The following WWC2 variants were observed in gnomAD, a reference collection of about 807,000 sequenced individuals.
The protein encoded by WWC2 is WW and C2 domain containing 2.
WWC2 carries 101 observed loss-of-function variants against 138.5 expected under a neutral mutation model. That is an observed-to-expected ratio of 0.73 (90% CI 0.62 to 0.86). The LOEUF (loss-of-function observed/expected upper bound fraction) is 0.86, where lower values mean the gene tolerates loss of function less well. Ranked by LOEUF, WWC2 falls within the 40% of genes least tolerant of loss-of-function variation. The pLI, the probability that WWC2 is intolerant of heterozygous loss-of-function variation, is 0.00. For synonymous variants in WWC2, 558 were observed against 538.4 expected (o/e 1.04, Z -0.50); for missense variants, 1,420 against 1,419.4 (o/e 1.00, Z -0.01).
Position 183,312,474 on chromosome 4 carries a change from T to C in WWC2, c.3512+6T>C, listed in dbSNP as rs1483890386. The C allele has an allele frequency of 1.9e-6, 3 of 1,613,160 alleles. No individual in the cohort carries two copies. Among genetic ancestry groups the C allele is most frequent in the Non-Finnish European group, 2.5e-6 (3 of 1,179,464 alleles). On this transcript the variant is annotated splice_donor_region_variant and intron_variant, in intron 22 of 22. Coordinates refer to ENST00000403733, the MANE Select transcript of WWC2 (RefSeq NM_024949.6). ...CGGCAGGTGCAGTCCTTCAGGTGAA[T>C]AGCCCCATCCAGGACAGCTTTTGGG...
At chr4:183,198,039 T>A (rs1323084179) in intron 2 of WWC2, among the ~76,000 whole-genome samples, 1 of 152,192 alleles carries the variant, frequency 6.6e-6, no homozygotes, top group Non-Finnish European at 1.5e-5. Context: ...TTTTGCAGTT[T>A]GCACCTGTAG....
At chr4:183,144,795 A>G (rs191938206) in intron 1 of WWC2, among the ~76,000 whole-genome samples, 2 of 152,348 alleles carry the variant, frequency 1.3e-5, no homozygotes, top group African/African-American at 4.8e-5. Flanking sequence ...TTCATTCTAC[A>G]TACACGTTGC....
chr4:183,155,369 G>C (rs1040910722), intron 1 of WWC2, among the ~76,000 whole-genome samples: 6 of 152,138 alleles, frequency 3.9e-5, no homozygotes, highest in African/African-American at 1.4e-4. Flanking sequence ...GTTTGGAAAA[G>C]AAGCTGAAGA....
At chr4:183,140,566 A>G (rs1454705280) in intron 1 of WWC2, among the ~76,000 whole-genome samples, 1 of 152,232 alleles carries the variant, frequency 6.6e-6, no homozygotes, top group African/African-American at 2.4e-5. Flanking sequence ...CTCACGTGGG[A>G]GTCATGAGTA....
At chr4:183,249,632 C>CCAG (rs1378009916) in intron 7 of WWC2, among the ~76,000 whole-genome samples, 3 of 152,142 alleles carry the variant, frequency 2.0e-5, no homozygotes, top group Non-Finnish European at 4.4e-5. Context: ...CTCTGAGATA[C>CCAG]CAGACACATT....
rs375484519 is a variant in WWC2, at chr4:183,218,728, GT to G, written c.522+9704del. On this transcript the variant is annotated intron_variant, in intron 4 of 22. Transcript: ENST00000403733. Reference sequence around the variant, plus strand: ...AGGCGGAGACCCAGGAAAGCTGGCAGTGCAGATGAAGTCCAAAGGCAGTCTG... The same window carrying G: ...AGGCGGAGACCCAGGAAAGCTGGCAGGCAGATGAAGTCCAAAGGCAGTCTG... Among the ~76,000 whole-genome samples, 64 of 152,312 alleles carry G rather than the reference GT, an allele frequency of 4.2e-4. 1 individual carries two copies. In the East Asian group the frequency reaches 8.3e-3, roughly 20 times the overall value.
chr4:183,255,261 G>A (rs1056095488), intron 9 of WWC2, among the ~76,000 whole-genome samples: 3 of 152,078 alleles, frequency 2.0e-5, no homozygotes, highest in Non-Finnish European at 4.4e-5. Context: ...TGACCAAACG[G>A]TCAGCCTGAG....
In WWC2 at chr4:183,284,361, C is replaced by T. The variant is rs568946717; in HGVS notation, c.3019C>T (p.Pro1007Ser). The T allele has an allele frequency of 6.2e-7, 1 of 1,613,268 alleles. No homozygotes were observed. Among genetic ancestry groups the T allele is most frequent in the African/African-American group, 1.3e-5 (1 of 74,902 alleles). The stretch of plus-strand genomic sequence containing the variant: ...GATAGTGCGCTCACAGACCTTTTCT[C>T]CAGGAGAGCGGAACCAGTACATCTG... The part of the protein sequence containing the change: ...SVIVRSQTFS[P>S]GERNQYICRL... Residue 1007 changes from proline to serine, a missense_variant, in exon 19 of 23, where the codon CCA (proline) becomes TCA (serine). By Grantham distance (74) the Pro-to-Ser change is moderately conservative. Coordinates refer to ENST00000403733, the MANE Select transcript of WWC2 (RefSeq NM_024949.6).
At chr4:183,213,060 C>G (rs1735655169) in intron 4 of WWC2, among the ~76,000 whole-genome samples, 1 of 152,228 alleles carries the variant, frequency 6.6e-6, no homozygotes, top group African/African-American at 2.4e-5. Context: ...TCATCCCTTT[C>G]ATTAGTGCCT....
intron 4 of WWC2, among the ~76,000 whole-genome samples, chr4:183,228,174 A>G (rs1736127826): frequency 6.6e-6 from 1 of 152,100 alleles, no homozygotes; most frequent in Non-Finnish European, 1.5e-5. Context: ...CAAATAAATA[A>G]GTAAATAAAG....
intron 1 of WWC2, among the ~76,000 whole-genome samples, chr4:183,133,135 C>CT (rs1294091024): frequency 1.5e-4 from 13 of 88,722 alleles, no homozygotes; most frequent in African/African-American, 6.4e-4. Flanking sequence ...TTTTTCTTTT[C>CT]TTTCTTTCTT....
chr4:183,102,302 T>C (rs1282737544), intron 1 of WWC2, among the ~76,000 whole-genome samples: 2 of 152,200 alleles, frequency 1.3e-5, no homozygotes, highest in South Asian at 2.1e-4. Flanking sequence ...AGTGTAGTGT[T>C]GACATTCCAG....
rs75380153 is a variant in WWC2, at chr4:183,200,130, G to A, written c.241+6422G>A. On this transcript the variant is annotated intron_variant, in intron 2 of 22. Coordinates refer to ENST00000403733, the MANE Select transcript of WWC2 (RefSeq NM_024949.6). ...TCCCACTGACTCTCTTGTAATATGC[G>A]GTGTTTAAACCAGTCTACTGGAGTG... 5.8e-3 allele frequency among the ~76,000 whole-genome samples: 889 copies of A among 152,204 alleles called. 7 individuals carry two copies. Among genetic ancestry groups the A allele is most frequent in the African/African-American group, 0.019 (796 of 41,514 alleles).
At chr4:183,314,735 T>A (rs1412365657) in intron 22 of WWC2, among the ~76,000 whole-genome samples, 1 of 152,268 alleles carries the variant, frequency 6.6e-6, no homozygotes, top group Non-Finnish European at 1.5e-5. Flanking sequence ...AGGCCTCCGC[T>A]GACATCACAC....
At chr4:183,214,763 CAA>C (rs1158928527) in intron 4 of WWC2, among the ~76,000 whole-genome samples, 6 of 150,438 alleles carry the variant, frequency 4.0e-5, no homozygotes, top group African/African-American at 1.2e-4. Flanking sequence ...GCCTGGGCAA[CAA>C]GAGCGAAACT....
At chr4:183,228,808 G>A (rs891890721) in intron 4 of WWC2, among the ~76,000 whole-genome samples, 1 of 152,202 alleles carries the variant, frequency 6.6e-6, no homozygotes, top group South Asian at 2.1e-4. Flanking sequence ...AGTGTTTGTA[G>A]TGTGTAGCCT....
intron 21 of WWC2, among the ~76,000 whole-genome samples, chr4:183,298,876 G>C (rs1042293884): frequency 2.6e-5 from 4 of 152,148 alleles, no homozygotes; most frequent in African/African-American, 9.7e-5. Context: ...GCAGTACTTT[G>C]ATAATTCTGA....
At chr4:183,104,843 T>G (rs1252015019) in intron 1 of WWC2, among the ~76,000 whole-genome samples, 1 of 152,220 alleles carries the variant, frequency 6.6e-6, no homozygotes, top group African/African-American at 2.4e-5. Flanking sequence ...TAATAGTCCA[T>G]AGCTTGCAGT....
At chr4:183,114,279 C>T (rs574245323) in intron 1 of WWC2, among the ~76,000 whole-genome samples, 1 of 152,256 alleles carries the variant, frequency 6.6e-6, no homozygotes, top group African/African-American at 2.4e-5. Context: ...GAAGCTCTTC[C>T]CAGGAGCTGA....
Sources: allele counts gnomAD v4.1 joint callset (sites outside exome capture counted in the v4.1 genomes callset), GRCh38; gene constraint gnomAD v4.1.1; transcripts MANE v1.5; gene names NCBI Gene and HGNC (gene_info 2026-07-23, HGNC 2026-07-21).